TERT: variants seen among roughly 807,000 people sequenced by gnomAD.
TERT encodes the protein telomerase reverse transcriptase.
Under a neutral mutation model 104.0 loss-of-function variants are expected in TERT, and 42 were observed. The observed-to-expected ratio is 0.40, with a 90% confidence interval of 0.32 to 0.52. The LOEUF (loss-of-function observed/expected upper bound fraction) is 0.52, where lower values mean the gene tolerates loss of function less well. TERT is among the 20% of genes least tolerant of loss of function. The pLI, the probability that TERT is intolerant of heterozygous loss-of-function variation, is 0.43. For missense variants in TERT, 1,101 were observed against 1,610.3 expected, an observed-to-expected ratio of 0.68 and a Z score of 5.41; for synonymous variants, 781 against 725.6, an observed-to-expected ratio of 1.08 and a Z score of -1.23.
intron 9 of TERT, 108 bp from the exon 10 acceptor site, chr5:1,266,643 C>T: frequency 1.0e-6 from 1 of 964,668 alleles, no homozygotes; most frequent in Non-Finnish European, 1.6e-6. Flanking sequence ...AATAAAGTAA[C>T]ATTCTCCAAA....
At position 1,255,169 on chromosome 5, in the gene TERT, C is replaced by A. The variant is rs1747626709; in HGVS notation, c.3157+118G>T. 1 of 1,398,898 alleles carries A rather than the reference C, an allele frequency of 7.1e-7. No individual in the cohort carries two copies. The highest frequency in any genetic ancestry group is 1.4e-5 in the African/African-American group (1 of 70,038). 86.7% of individuals were successfully genotyped at this position (1,398,898 alleles called of 1,614,324 possible). A position where few individuals can be genotyped will look rare whatever the true frequency, so the allele number is the denominator to read the frequency against. On this transcript the variant is annotated intron_variant, in intron 14 of 15. Transcript: ENST00000310581. This position sits in a 1 kb window ranked among gnomAD's most constrained non-coding sequence, Gnocchi z 6.9. ...CGAGCCTGACAGTGGTTGGGTTAAA[C>A]CACTTCCTGATGCGAAAAGGGGTAA... is the stretch of plus-strand genomic sequence containing the variant.
At position 1,264,505 on chromosome 5, in the gene TERT, C is replaced by A; in HGVS notation, c.2742G>T (p.Leu914=). The A allele has an allele frequency of 2.5e-6, 4 of 1,614,000 alleles. No homozygotes were observed. Among genetic ancestry groups the A allele is most frequent in the Non-Finnish European group, 3.4e-6 (4 of 1,180,032 alleles). The change falls in exon 11 of 16, where the codon CTG becomes CTT. Residue 914 remains leucine, a synonymous_variant. Coordinates refer to ENST00000310581, the MANE Select transcript of TERT (RefSeq NM_198253.3). ...VVNFPVEDEA[L]GGTAFVQMPA... Reference sequence around the variant, plus strand: ...GCATCTGAACAAAAGCCGTGCCACCCAGGGCCTCGTCTTCTACAGGGAAGT... The same window carrying A: ...GCATCTGAACAAAAGCCGTGCCACCAAGGGCCTCGTCTTCTACAGGGAAGT...
In TERT at chr5:1,258,651, G is replaced by A. The variant is rs1579548007; in HGVS notation, c.2979C>T (p.Ser993=). The A allele has an allele frequency of 1.9e-6, 3 of 1,568,880 alleles. No homozygotes were observed. The highest frequency in any genetic ancestry group is 2.6e-6 in the Non-Finnish European group (3 of 1,155,916). The change falls in exon 13 of 16, where the codon AGC becomes AGT. Residue 993 remains serine, a synonymous_variant. Transcript: ENST00000310581. ...AGATGTTGGTGCACACCGTCTGGAGGCTGTTCACCTAGAGTCGCCAAGAAA... is the reference window on the plus strand; with the variant it reads ...AGATGTTGGTGCACACCGTCTGGAGACTGTTCACCTAGAGTCGCCAAGAAA... ...HSLFLDLQVN[S]LQTVCTNIYK...
In TERT at chr5:1,292,217, G is replaced by A. The variant is rs1199452455; in HGVS notation, c.1573+1096C>T. Among the ~76,000 whole-genome samples, 2 of 152,172 alleles carry A rather than the reference G, an allele frequency of 1.3e-5. No individual in the cohort carries two copies. The highest frequency in any genetic ancestry group is 4.8e-5 in the African/African-American group (2 of 41,440). ...TGTCTTGGGAGTTTGTGGGGAGGGGGTGAAATCGGGACTTCTTCTAGCTGC... is the reference window on the plus strand; with the variant it reads ...TGTCTTGGGAGTTTGTGGGGAGGGGATGAAATCGGGACTTCTTCTAGCTGC... On this transcript the variant is annotated intron_variant, in intron 2 of 15. Transcript: ENST00000310581. The surrounding 1 kb of genome is among the most constrained non-coding windows in gnomAD (Gnocchi z 5.5).
chr5:1,267,251 A>T (rs373368986), intron 9 of TERT, among the ~76,000 whole-genome samples: 6 of 152,326 alleles, frequency 3.9e-5, no homozygotes, highest in Admixed American at 3.9e-4. Flanking sequence ...TCTTCGAGAG[A>T]AATGGCTGTG....
chr5:1,268,701 G>A lies in TERT; in HGVS notation c.2469-68C>T, dbSNP rs1273269078. On this transcript the variant is annotated intron_variant, in intron 8 of 15. Transcript: ENST00000310581. This position sits in a 1 kb window ranked among gnomAD's most constrained non-coding sequence, Gnocchi z 5.5. ...CTGGACATGCGTACACTCAAACCGAGCCACACACAGACACAGAACCTCATA... is the reference window on the plus strand; with the variant it reads ...CTGGACATGCGTACACTCAAACCGAACCACACACAGACACAGAACCTCATA... 9.3e-7 allele frequency: 1 copy of A among 1,072,538 alleles called. No individual in the cohort carries two copies. The highest frequency in any genetic ancestry group is 1.6e-5 in the African/African-American group (1 of 64,250). The allele number at this position is 1,072,538 out of a possible 1,614,324, so 66.4% of individuals were successfully genotyped here. A position where few individuals can be genotyped will look rare whatever the true frequency, so the allele number is the denominator to read the frequency against.
Position 1,263,915 on chromosome 5 carries a change from G to A in TERT, c.2843+489C>T, listed in dbSNP as rs1266479531. On this transcript the variant is annotated intron_variant, in intron 11 of 15. Coordinates refer to ENST00000310581, the MANE Select transcript of TERT (RefSeq NM_198253.3). The surrounding 1 kb of genome is among the most constrained non-coding windows in gnomAD (Gnocchi z 5.3). ...CGTGATCATGAACTCATGGCATCCT[G>A]TAGACTGTGGATGAGCCTTGGAGTG... Among the ~76,000 whole-genome samples, 1 of 152,212 alleles carries A rather than the reference G, an allele frequency of 6.6e-6. No individual in the cohort carries two copies. Among genetic ancestry groups the A allele is most frequent in the Non-Finnish European group, 1.5e-5 (1 of 68,036 alleles).
chr5:1,266,481 G>A lies in TERT; in HGVS notation c.2637C>T (p.His879=), dbSNP rs1307380469. The change falls in exon 10 of 16, where the codon CAC becomes CAT. Residue 879 remains histidine, a synonymous_variant. Coordinates refer to ENST00000310581, the MANE Select transcript of TERT (RefSeq NM_198253.3). ...GGCCTCACCTGAGGAAGGTTTTCGC[G>A]TGGGTGAGGTGAGGTGTCACCAACA... ...DFLLVTPHLT[H]AKTFLRTLVR... 7 of 1,609,716 alleles carry A rather than the reference G, an allele frequency of 4.3e-6. No homozygotes were observed. Among genetic ancestry groups the A allele is most frequent in the East Asian group, 2.2e-5 (1 of 44,830 alleles).
chr5:1,266,613 A>C (rs1748626739), intron 9 of TERT, 78 bp from the exon 10 acceptor site: 1 of 1,189,844 alleles, frequency 8.4e-7, no homozygotes, highest in Non-Finnish European at 1.2e-6. Context: ...ACTGAATGTC[A>C]AACAATTTAC....
chr5:1,294,844 G>A lies in TERT; in HGVS notation c.146C>T (p.Ala49Val), dbSNP rs1060503013. The A allele has an allele frequency of 6.2e-6, 9 of 1,460,184 alleles. No individual in the cohort carries two copies. Among genetic ancestry groups the A allele is most frequent in the African/African-American group, 1.5e-5 (1 of 67,440 alleles). The allele number at this position is 1,460,184 out of a possible 1,614,324, so 90.5% of individuals were successfully genotyped here. Residue 49 changes from alanine (A) to valine (V), a missense_variant, in exon 1 of 16, where the codon GCG becomes GTG. Ala to Val is a moderately conservative substitution (Grantham distance 64, BLOSUM62 0). Around this residue, in one of 5 missense-constraint regions of TERT, gnomAD observed 87 missense variants for 145.4 expected, o/e 0.60. Coordinates refer to ENST00000310581, the MANE Select transcript of TERT (RefSeq NM_198253.3). ...VQRGDPAAFR[A>V]LVAQCLVCVP... Reference sequence around the variant, plus strand: ...GCACACCAGGCACTGGGCCACCAGCGCGCGGAAAGCCGCCGGGTCCCCGCG... The same window carrying A: ...GCACACCAGGCACTGGGCCACCAGCACGCGGAAAGCCGCCGGGTCCCCGCG...
rs762178169 is a variant in TERT at position 1,258,648 on chromosome 5, G to A, written c.2982C>T (p.Leu994=). 2.7e-5 allele frequency: 42 copies of A among 1,569,420 alleles called. No individual in the cohort carries two copies. In the South Asian group the frequency reaches 4.6e-4, roughly 17 times the overall value. ...SLFLDLQVNS[L]QTVCTNIYKI... ...TGTAGATGTTGGTGCACACCGTCTG[G>A]AGGCTGTTCACCTAGAGTCGCCAAG... Residue 994 remains leucine (L), a synonymous_variant, in exon 13 of 16, where the codon CTC becomes CTT. Coordinates refer to ENST00000310581, the MANE Select transcript of TERT (RefSeq NM_198253.3).
chr5:1,272,087 C>CA (rs1749080485), intron 7 of TERT, 98 bp downstream of exon 7: 1 of 1,063,502 alleles, frequency 9.4e-7, no homozygotes, highest in African/African-American at 1.6e-5. Flanking sequence ...CACTGCCCCC[C>CA]AGGGCCAACA....
chr5:1,254,344 G>A (rs1406428770), intron 15 of TERT, 24 bp downstream of exon 15: 16 of 1,612,796 alleles, frequency 9.9e-6, no homozygotes, highest in Middle Eastern at 1.6e-4. Flanking sequence ...GGTGGGGCCC[G>A]CACTGGCCTC....
rs1413334174 is a variant in TERT, at chr5:1,292,734, A to G, written c.1573+579T>C. On this transcript the variant is annotated intron_variant, in intron 2 of 15. Coordinates refer to ENST00000310581, the MANE Select transcript of TERT (RefSeq NM_198253.3). This position sits in a 1 kb window ranked among gnomAD's most constrained non-coding sequence, Gnocchi z 5.5. ...CACCATGTTGGTCAGGCTGGTCTCA[A>G]ACTCCTGACCTCAGGTGATCCACCT... Among the ~76,000 whole-genome samples the G allele has an allele frequency of 6.6e-6, 1 of 152,146 alleles. No homozygotes were observed. Among genetic ancestry groups the G allele is most frequent in the Non-Finnish European group, 1.5e-5 (1 of 68,016 alleles).
chr5:1,277,743 A>G (rs1483383402), intron 6 of TERT, among the ~76,000 whole-genome samples: 1 of 151,996 alleles, frequency 6.6e-6, no homozygotes, highest in African/African-American at 2.4e-5. Flanking sequence ...ATGAGGGTAA[A>G]ATTCTGCTGA....
chr5:1,281,679 C>T (rs1022184284), intron 3 of TERT, among the ~76,000 whole-genome samples: 7 of 152,218 alleles, frequency 4.6e-5, no homozygotes, highest in Non-Finnish European at 8.8e-5. Flanking sequence ...CTCTCCTATC[C>T]CCAGGTGCTC....
At chr5:1,283,051 C>T in intron 2 of TERT, 1 of 350,510 alleles carries the variant, frequency 2.9e-6, no homozygotes, top group Non-Finnish European at 5.6e-6. Context: ...CGACCTCACG[C>T]CAGACCTGCA....
Position 1,279,354 on chromosome 5 carries a change from G to C in TERT, c.2067C>G (p.Ala689=), listed in dbSNP as rs1749849158. ...GCACACGCAGCACGAAGGTGCGCCAGGCCCTGTGGATATCGTCCAGGCCCA... is the reference window on the plus strand; with the variant it reads ...GCACACGCAGCACGAAGGTGCGCCACGCCCTGTGGATATCGTCCAGGCCCA... The part of the protein sequence containing the change: ...SVLGLDDIHR[A]WRTFVLRVRA... The change falls in exon 5 of 16, where the codon GCC becomes GCG. Residue 689 remains alanine, a synonymous_variant. Coordinates refer to ENST00000310581, the MANE Select transcript of TERT (RefSeq NM_198253.3). 6.3e-7 allele frequency: 1 copy of C among 1,578,814 alleles called. No individual in the cohort carries two copies. The highest frequency in any genetic ancestry group is 1.8e-5 in the Admixed American group (1 of 55,030).
At chr5:1,266,347 CAG>C (rs1218212125) in intron 10 of TERT, 115 bp downstream of exon 10, 28 of 989,738 alleles carry the variant, frequency 2.8e-5, no homozygotes, top group Non-Finnish European at 3.4e-5. Context: ...CCAGCACCGG[CAG>C]AGAGAGAGGA....
Sources: gnomAD v4.1 joint callset for allele counts (sites outside exome capture counted in the v4.1 genomes callset) on GRCh38, gnomAD v4.1.1 for gene constraint, gnomAD v4.1.1 regional missense constraint, Gnocchi (gnomAD v3.1) non-coding constraint, MANE v1.5 for transcripts, NCBI Gene and HGNC (gene_info 2026-07-23, HGNC 2026-07-21) for gene names.